The following SORCS2 variants were observed in gnomAD, a reference collection of about 807,000 sequenced individuals.
SORCS2 encodes the protein sortilin related VPS10 domain containing receptor 2.
A neutral mutation model predicts 141.6 loss-of-function variants in SORCS2; 100 were observed. The ratio of observed to expected loss-of-function variants is 0.71; its 90% confidence interval spans 0.60 to 0.83. The LOEUF is 0.83. Among genes scored for constraint, SORCS2 ranks in the 40% least tolerant of loss-of-function variants. The probability of loss-of-function intolerance (pLI) is 0.00; values close to 1 mark genes in which losing one functional copy is unlikely to be tolerated. For missense variants in SORCS2, 1,646 were observed against 1,560.2 expected, an observed-to-expected ratio of 1.05 and a Z score of -0.93; for synonymous variants, 789 against 676.9, an observed-to-expected ratio of 1.17 and a Z score of -2.57.
intron 1 of SORCS2, among the ~76,000 whole-genome samples, chr4:7,322,734 C>A (rs1351580701): frequency 1.3e-5 from 2 of 152,230 alleles, no homozygotes; most frequent in Non-Finnish European, 2.9e-5. Context: ...AGATTTCCTT[C>A]TCGGGAGAGT....
At chr4:7,627,356 G>C (rs1330708252) in intron 3 of SORCS2, among the ~76,000 whole-genome samples, 1 of 152,136 alleles carries the variant, frequency 6.6e-6, no homozygotes, top group Non-Finnish European at 1.5e-5. Flanking sequence ...AGAATGCCAG[G>C]CCTTACATAT....
intron 2 of SORCS2, among the ~76,000 whole-genome samples, chr4:7,512,588 A>G (rs1327998265): frequency 6.6e-6 from 1 of 151,802 alleles, no homozygotes; most frequent in Non-Finnish European, 1.5e-5. Context: ...TCAGGCCCCC[A>G]GACTCCATCC....
intron 11 of SORCS2, among the ~76,000 whole-genome samples, chr4:7,693,567 C>T (rs1266839797): frequency 6.6e-6 from 1 of 152,228 alleles, no homozygotes; most frequent in Non-Finnish European, 1.5e-5. Flanking sequence ...TGGTCTGTGT[C>T]CCAGCTGATC....
intron 2 of SORCS2, among the ~76,000 whole-genome samples, chr4:7,472,706 G>A (rs576771467): frequency 1.5e-4 from 23 of 152,118 alleles, no homozygotes; most frequent in Non-Finnish European, 3.1e-4. Context: ...GTCACATCCC[G>A]CTGGCCCCAT....
At chr4:7,291,196 T>A (rs866508174) in intron 1 of SORCS2, among the ~76,000 whole-genome samples, 6 of 151,824 alleles carry the variant, frequency 4.0e-5, no homozygotes, top group Admixed American at 6.6e-5. Flanking sequence ...GAGGCGGCGG[T>A]GGGGGCAGAG....
In SORCS2 at chr4:7,192,946, C is replaced by T. The variant is rs1024879574; in HGVS notation, c.300C>T (p.Pro100=). ...EPGAPGPSPG[P]APGPGEDGAP... ...GCGCCCCGGGTCCGAGTCCCGGTCC[C>T]GCTCCTGGTCCCGGCGAGGACGGCG... Residue 100 remains proline, a synonymous_variant, in exon 1 of 27, where the codon CCC becomes CCT. Coordinates refer to ENST00000507866, the MANE Select transcript of SORCS2 (RefSeq NM_020777.3). This position sits in a 1 kb window ranked among gnomAD's most constrained non-coding sequence, Gnocchi z 4.0. The T allele has an allele frequency of 1.4e-5, 19 of 1,314,836 alleles. No individual in the cohort carries two copies. The African/African-American group carries it at 2.8e-4, about 19-fold the overall frequency. 81.4% of individuals were successfully genotyped at this position (1,314,836 alleles called of 1,614,324 possible).
chr4:7,556,708 C>T (rs781391042), intron 3 of SORCS2, among the ~76,000 whole-genome samples: 10 of 151,680 alleles, frequency 6.6e-5, no homozygotes, highest in Non-Finnish European at 1.2e-4. Flanking sequence ...ACCTACCCAT[C>T]CACCATTCAT....
chr4:7,384,490 C>T (rs972223180), intron 1 of SORCS2, among the ~76,000 whole-genome samples: 1 of 152,224 alleles, frequency 6.6e-6, no homozygotes, highest in Non-Finnish European at 1.5e-5. Flanking sequence ...GGGAAGGAGA[C>T]GGGGTTAAGG....
At chr4:7,619,270 C>G (rs1718982545) in intron 3 of SORCS2, among the ~76,000 whole-genome samples, 1 of 152,218 alleles carries the variant, frequency 6.6e-6, no homozygotes, top group Admixed American at 6.5e-5. Context: ...AGGGATTCAT[C>G]TGGCCAGTCT....
chr4:7,604,744 A>C (rs934385841), intron 3 of SORCS2, among the ~76,000 whole-genome samples: 1 of 152,162 alleles, frequency 6.6e-6, no homozygotes, highest in Non-Finnish European at 1.5e-5. Flanking sequence ...ACTGTGAGTC[A>C]ATTAAAACTT....
At chr4:7,335,194 C>T (rs1030232893) in intron 1 of SORCS2, among the ~76,000 whole-genome samples, 1 of 152,206 alleles carries the variant, frequency 6.6e-6, no homozygotes, top group African/African-American at 2.4e-5. Context: ...GGGCACACGC[C>T]TAGTTTTCCT....
At chr4:7,460,280 A>G (rs1191557860) in intron 2 of SORCS2, among the ~76,000 whole-genome samples, 2 of 152,220 alleles carry the variant, frequency 1.3e-5, no homozygotes, top group Non-Finnish European at 1.5e-5. Context: ...CCCAGAGGAC[A>G]TGGTCCCCGA....
At chr4:7,340,010 A>G (rs1400158719) in intron 1 of SORCS2, among the ~76,000 whole-genome samples, 1 of 152,224 alleles carries the variant, frequency 6.6e-6, no homozygotes, top group Non-Finnish European at 1.5e-5. Context: ...GTCCGGGGTC[A>G]GAGATGCTGA....
intron 1 of SORCS2, chr4:7,381,883 C>T (rs764807755): frequency 2.0e-6 from 2 of 985,806 alleles, no homozygotes; most frequent in East Asian, 1.1e-4. Context: ...GGGCAGGCCA[C>T]AGCCTTCAAC....
At chr4:7,254,570 T>C (rs1713719765) in intron 1 of SORCS2, among the ~76,000 whole-genome samples, 1 of 152,182 alleles carries the variant, frequency 6.6e-6, no homozygotes, top group South Asian at 2.1e-4. Context: ...ATGTACATTA[T>C]TTGGGTGATG....
chr4:7,423,169 C>T (rs761478075), intron 2 of SORCS2, among the ~76,000 whole-genome samples: 11 of 152,204 alleles, frequency 7.2e-5, no homozygotes, highest in Non-Finnish European at 1.5e-4. Flanking sequence ...GTTGGAGGCT[C>T]TGACTCCGTG....
chr4:7,570,017 G>A (rs933487218), intron 3 of SORCS2, among the ~76,000 whole-genome samples: 9 of 152,266 alleles, frequency 5.9e-5, no homozygotes, highest in East Asian at 1.9e-4. Context: ...GGCTCCCAGC[G>A]TTTTCAAGGG....
At chr4:7,522,619 C>T (rs1264314563) in intron 2 of SORCS2, among the ~76,000 whole-genome samples, 1 of 152,038 alleles carries the variant, frequency 6.6e-6, no homozygotes, top group East Asian at 1.9e-4. Context: ...CTTCCCCTTC[C>T]CCTTTTCCCT....
At chr4:7,394,194 C>A (rs558290300) in intron 1 of SORCS2, among the ~76,000 whole-genome samples, 59 of 152,246 alleles carry the variant, frequency 3.9e-4, no homozygotes, top group African/African-American at 1.3e-3. Flanking sequence ...TGGGCACTGG[C>A]CTCTGCCCGA....
Sources: gnomAD v4.1 joint callset for allele counts (sites outside exome capture counted in the v4.1 genomes callset) on GRCh38, gnomAD v4.1.1 for gene constraint, Gnocchi (gnomAD v3.1) non-coding constraint, MANE v1.5 for transcripts, NCBI Gene and HGNC (gene_info 2026-07-23, HGNC 2026-07-21) for gene names.